The following GRIK4 variants were observed in gnomAD, a reference collection of about 807,000 sequenced individuals.
The protein encoded by GRIK4 is glutamate receptor ionotropic, kainate 4.
GRIK4 carries 40 observed loss-of-function variants against 104.9 expected under a neutral mutation model. That is an observed-to-expected ratio of 0.38 (90% CI 0.30 to 0.50). GRIK4 has a LOEUF of 0.50. GRIK4 is among the 20% of genes least tolerant of loss of function. GRIK4 has a pLI of 0.93. For missense variants in GRIK4, 1,047 were observed against 1,308.1 expected, an observed-to-expected ratio of 0.80 and a Z score of 3.08; for synonymous variants, 485 against 524.9, an observed-to-expected ratio of 0.92 and a Z score of 1.04.
chr11:120,986,003 C>T lies in GRIK4; in HGVS notation c.2614C>T (p.Arg872Trp), dbSNP rs1217606712. 3 of 1,529,658 alleles carry T rather than the reference C, an allele frequency of 2.0e-6. No homozygotes were observed. Among genetic ancestry groups the T allele is most frequent in the East Asian group, 2.6e-5 (1 of 38,564 alleles). 94.8% of individuals were successfully genotyped at this position (1,529,658 alleles called of 1,614,324 possible). ...GCGGCGCGCCGCAGTCCCGCCGCCC[C>T]GGCCCCCCATCCCCGAGGAGCGCCG... ...RRRRAAVPPP[R>W]PPIPEERRPR... The change falls in exon 21 of 21, where the codon CGG becomes TGG. Residue 872 changes from arginine to tryptophan, a missense_variant. Arg to Trp is a moderately radical substitution (Grantham distance 101). Coordinates refer to ENST00000527524, the MANE Select transcript of GRIK4 (RefSeq NM_014619.5).
At chr11:120,552,254 G>C (rs1202752739) in intron 1 of GRIK4, among the ~76,000 whole-genome samples, 4 of 152,182 alleles carry the variant, frequency 2.6e-5, no homozygotes, top group African/African-American at 7.2e-5. Flanking sequence ...TTGAATTGGA[G>C]GATACCCCAT....
chr11:120,949,483 A>C (rs1353187188), intron 14 of GRIK4, among the ~76,000 whole-genome samples: 1 of 152,210 alleles, frequency 6.6e-6, no homozygotes, highest in African/African-American at 2.4e-5. Context: ...GATTGTATTC[A>C]CCAGAAGGAA....
At position 120,923,806 on chromosome 11, in the gene GRIK4, A is replaced by C. The variant is rs1282351411; in HGVS notation, c.1477-16541A>C. ...TGAGAAAGCAAGTTCAGAGAGGCTA[A>C]GTAACTTGCCCAGGATCACACAGCT... On this transcript the variant is annotated intron_variant, in intron 13 of 20. Coordinates refer to ENST00000527524, the MANE Select transcript of GRIK4 (RefSeq NM_014619.5). 2.0e-5 allele frequency among the ~76,000 whole-genome samples: 3 copies of C among 152,188 alleles called. No homozygotes were observed. In the East Asian group the frequency reaches 5.8e-4, roughly 29 times the overall value.
At chr11:120,519,871 T>G (rs1163155490) in intron 1 of GRIK4, among the ~76,000 whole-genome samples, 4 of 104,368 alleles carry the variant, frequency 3.8e-5, no homozygotes, top group Admixed American at 9.8e-5. Context: ...ACTGGTTTTT[T>G]TTTTTTTTGT....
Position 120,901,588 on chromosome 11 carries a change from G to A in GRIK4, c.1272+2949G>A, listed in dbSNP as rs548377001. ...TCCCCTTCTAGGATGAGAGCTCCTC[G>A]AAGGTAGAGGGGCTGACACAAAGTA... On this transcript the variant is annotated intron_variant, in intron 12 of 20. Transcript: ENST00000527524. Among the ~76,000 whole-genome samples, 13 of 152,256 alleles carry A rather than the reference G, an allele frequency of 8.5e-5. 1 individual carries two copies. The highest frequency in any genetic ancestry group is 2.0e-4 in the Admixed American group (3 of 15,298).
intron 3 of GRIK4, among the ~76,000 whole-genome samples, chr11:120,701,942 G>A (rs1950557884): frequency 6.8e-6 from 1 of 146,508 alleles, no homozygotes; most frequent in Non-Finnish European, 1.5e-5. Flanking sequence ...GATCAAGGGT[G>A]ATTCCAAGCT....
intron 1 of GRIK4, among the ~76,000 whole-genome samples, chr11:120,608,388 A>C (rs1186569302): frequency 1.3e-5 from 2 of 152,256 alleles, no homozygotes; most frequent in East Asian, 3.8e-4. Flanking sequence ...GCTAAGACTC[A>C]AAATCACTAG....
intron 1 of GRIK4, among the ~76,000 whole-genome samples, chr11:120,612,206 G>A (rs17124064): frequency 0.054 from 8,254 of 152,136 alleles, 686 homozygotes; most frequent in African/African-American, 0.18. Flanking sequence ...CAACTCGTCC[G>A]CCCGTGAACC....
intron 19 of GRIK4, among the ~76,000 whole-genome samples, chr11:120,970,271 A>G (rs1415015978): frequency 6.6e-6 from 1 of 152,090 alleles, no homozygotes; most frequent in Non-Finnish European, 1.5e-5. Flanking sequence ...GGTGCTGGAG[A>G]AGAGGGAGGC....
intron 3 of GRIK4, among the ~76,000 whole-genome samples, chr11:120,735,690 TG>T (rs1565322203): frequency 6.7e-6 from 1 of 150,210 alleles, no homozygotes; most frequent in African/African-American, 2.4e-5. Flanking sequence ...GGGATTGGAG[TG>T]AAAAAAAAAG....
intron 2 of GRIK4, among the ~76,000 whole-genome samples, chr11:120,654,461 C>T (rs1949670070): frequency 6.6e-6 from 1 of 152,134 alleles, no homozygotes; most frequent in Non-Finnish European, 1.5e-5. Context: ...TCTGCCGGTT[C>T]AAGTGATTCT....
intron 3 of GRIK4, among the ~76,000 whole-genome samples, chr11:120,779,189 G>A (rs1952100257): frequency 6.6e-6 from 1 of 152,166 alleles, no homozygotes; most frequent in South Asian, 2.1e-4. Flanking sequence ...TGACAGACAG[G>A]GGACCGACCA....
intron 6 of GRIK4, among the ~76,000 whole-genome samples, chr11:120,831,175 C>A (rs1953418722): frequency 6.6e-6 from 1 of 152,206 alleles, no homozygotes; most frequent in Non-Finnish European, 1.5e-5. Context: ...TGTCTTAATG[C>A]AGCCACAAGG....
intron 3 of GRIK4, among the ~76,000 whole-genome samples, chr11:120,776,475 C>T (rs1472151329): frequency 2.0e-5 from 3 of 152,226 alleles, no homozygotes; most frequent in Non-Finnish European, 4.4e-5. Flanking sequence ...TCCATGTCTG[C>T]TGCAGTCTTT....
Position 120,518,457 on chromosome 11 carries a change from T to A in GRIK4, c.-159+6570T>A, listed in dbSNP as rs141103263. Among the ~76,000 whole-genome samples the A allele has an allele frequency of 5.4e-4, 82 of 152,014 alleles. 1 individual carries two copies. In the East Asian group the frequency reaches 0.014, roughly 27 times the overall value. Reference sequence around the variant, plus strand: ...TGGGAGGCAGCAAAGCTATATATATTTTTTTTAATCAGAAAAGTCTATAGT... The same window carrying A: ...TGGGAGGCAGCAAAGCTATATATATATTTTTTAATCAGAAAAGTCTATAGT... On this transcript the variant is annotated intron_variant, in intron 1 of 20. Transcript: ENST00000527524.
intron 18 of GRIK4, among the ~76,000 whole-genome samples, chr11:120,966,180 C>T (rs1944380452): frequency 1.3e-5 from 2 of 151,998 alleles, no homozygotes; most frequent in Admixed American, 6.6e-5. Flanking sequence ...GGAAGGAGGA[C>T]TGGGAGAAAC....
intron 11 of GRIK4, among the ~76,000 whole-genome samples, chr11:120,878,326 A>G (rs1327042245): frequency 6.6e-6 from 1 of 152,144 alleles, no homozygotes; most frequent in East Asian, 1.9e-4. Flanking sequence ...GAATCCGCAT[A>G]ATTTTAACCA....
Position 120,567,125 on chromosome 11 carries a change from C to T in GRIK4, c.-159+55238C>T, listed in dbSNP as rs537888152. 5.3e-5 allele frequency among the ~76,000 whole-genome samples: 8 copies of T among 151,540 alleles called. No homozygotes were observed. In the South Asian group the frequency reaches 1.7e-3, roughly 32 times the overall value. ...GCCTCAGTCTCCTCAGTAGCTGGGA[C>T]CCCAGGCCATGCCATCACATCCAGC... On this transcript the variant is annotated intron_variant, in intron 1 of 20. Coordinates refer to ENST00000527524, the MANE Select transcript of GRIK4 (RefSeq NM_014619.5).
chr11:120,773,279 C>T (rs776583022), intron 3 of GRIK4, among the ~76,000 whole-genome samples: 1 of 152,184 alleles, frequency 6.6e-6, no homozygotes. Flanking sequence ...TTGTCTAGCC[C>T]AGCTGGAGTA....
Sources: gnomAD v4.1 joint callset for allele counts (sites outside exome capture counted in the v4.1 genomes callset) on GRCh38, gnomAD v4.1.1 for gene constraint, MANE v1.5 for transcripts, NCBI Gene and HGNC (gene_info 2026-07-23, HGNC 2026-07-21) for gene names.